PDXDC1: variants seen among roughly 807,000 people sequenced by gnomAD.
PDXDC1 encodes the protein pyridoxal dependent decarboxylase domain containing 1.
Under a neutral mutation model 100.1 loss-of-function variants are expected in PDXDC1, and 42 were observed. The observed-to-expected ratio is 0.42, with a 90% CI of 0.33 to 0.54. The LOEUF is 0.54. PDXDC1 is among the 20% of genes least tolerant of loss of function. The pLI, the probability that PDXDC1 is intolerant of heterozygous loss-of-function variation, is 0.10. For missense variants in PDXDC1, 636 were observed against 979.2 expected, an observed-to-expected ratio of 0.65 and a Z score of 4.68; for synonymous variants, 260 against 371.7, an observed-to-expected ratio of 0.70 and a Z score of 3.46.
At chr16:15,047,046 C>G (rs957505167) in intron 16 of PDXDC1, among the ~76,000 whole-genome samples, 1 of 152,188 alleles carries the variant, frequency 6.6e-6, no homozygotes, top group East Asian at 1.9e-4. Context: ...TCTGTCTACT[C>G]TTCACTGCTG....
chr16:15,127,190 G>A, intron 16 of PDXDC1: 15 of 402,686 alleles, frequency 3.7e-5, no homozygotes, highest in South Asian at 2.6e-4. Flanking sequence ...GCACAGCCGC[G>A]TGCTTGCTTC....
intron 1 of PDXDC1, among the ~76,000 whole-genome samples, chr16:14,978,684 C>T (rs1287131435): frequency 3.3e-5 from 5 of 152,294 alleles, no homozygotes; most frequent in Non-Finnish European, 4.4e-5. Flanking sequence ...CGTGAGCCAC[C>T]GTGCCAGGCC....
At chr16:15,103,648 C>G (rs1284966028) in intron 16 of PDXDC1, among the ~76,000 whole-genome samples, 4 of 141,114 alleles carry the variant, frequency 2.8e-5, no homozygotes, top group Admixed American at 2.2e-4. Context: ...GGACTACAGG[C>G]ATGCACCATC....
At chr16:15,005,225 A>G (rs1165291173) in intron 5 of PDXDC1, among the ~76,000 whole-genome samples, 1 of 151,358 alleles carries the variant, frequency 6.6e-6, no homozygotes, top group Non-Finnish European at 1.5e-5. Context: ...CGGGCGTGGT[A>G]GTGAGCACCT....
At chr16:15,087,375 C>T (rs191345831) in intron 16 of PDXDC1, among the ~76,000 whole-genome samples, 31 of 152,114 alleles carry the variant, frequency 2.0e-4, no homozygotes, top group African/African-American at 4.6e-4. Flanking sequence ...AGGCTAAGAA[C>T]GATTAATAAG....
rs1197900650 is a variant in PDXDC1, at chr16:14,975,205, C to G, written c.6C>G (p.Asp2Glu). ...CACCACCGGCCGCCTCAGCCATGGA[C>G]GCGTCCCTGGAGAAGGTCCGTGCCG... M[D>E]ASLEKIADPT... The change falls in exon 1 of 23, where the codon GAC becomes GAG. Residue 2 changes from aspartate (D) to glutamate (E), a missense_variant. This residue lies in a region of PDXDC1 where 125 missense variants were observed against 479.9 expected (regional missense o/e 0.26). Coordinates refer to ENST00000396410, the MANE Select transcript of PDXDC1 (RefSeq NM_015027.4). The G allele has an allele frequency of 1.3e-5, 18 of 1,436,572 alleles. No homozygotes were observed. The highest frequency in any genetic ancestry group is 4.5e-5 in the African/African-American group (3 of 66,692). 89.0% of individuals were successfully genotyped at this position (1,436,572 alleles called of 1,614,324 possible).
intron 8 of PDXDC1, chr16:15,010,391 G>A (rs2041159628): frequency 6.4e-6 from 1 of 155,296 alleles, no homozygotes; most frequent in African/African-American, 2.4e-5. Context: ...GGTGGCACAT[G>A]CCTATAGTCC....
chr16:15,144,200 A>G (rs1016734160), downstream of PDXDC1, among the ~76,000 whole-genome samples: 5 of 152,120 alleles, frequency 3.3e-5, no homozygotes, highest in African/African-American at 1.2e-4. Context: ...GGCGCTGGAG[A>G]GGACAGGGGA....
chr16:14,977,887 A>G (rs1362755910), intron 1 of PDXDC1, among the ~76,000 whole-genome samples: 3 of 152,290 alleles, frequency 2.0e-5, no homozygotes, highest in African/African-American at 7.2e-5. Context: ...CAGAAACCAC[A>G]ATGTTATTTG....
At chr16:15,146,564 G>A in the PDXDC1 span, among the ~76,000 whole-genome samples, 1 of 152,162 alleles carries the variant, frequency 6.6e-6, no homozygotes, top group Admixed American at 6.5e-5. Flanking sequence ...GCCGGGTCTT[G>A]TGAGCCCCTA....
In PDXDC1 at chr16:15,037,865, A is replaced by AATAAGGTTTTATTTTGAAAGTCATTT; in HGVS notation, c.*1591_*1616dup. On this transcript the variant is annotated 3_prime_UTR_variant, in exon 23 of 23. Coordinates refer to ENST00000396410, the MANE Select transcript of PDXDC1 (RefSeq NM_015027.4). ...AAGTCTCAACAAATGCCTTTGCCAA[A>AATAAGGTTTTATTTTGAAAGTCATTT]ATAAGGTTTTATTTTGAAAGTCATT... The AATAAGGTTTTATTTTGAAAGTCATTT allele has an allele frequency of 1.9e-6, 1 of 537,396 alleles. No individual in the cohort carries two copies. The highest frequency in any genetic ancestry group is 3.5e-5 in the Admixed American group (1 of 28,522). The allele number at this position is 537,396 out of a possible 1,614,324, so 33.3% of individuals were successfully genotyped here.
chr16:15,074,694 T>G, intron 16 of PDXDC1: 1 of 1,580,204 alleles, frequency 6.3e-7, no homozygotes, highest in East Asian at 2.3e-5. Flanking sequence ...ACTGCAGGTG[T>G]TCAATAAACA....
At position 15,094,176 on chromosome 16, in the gene PDXDC1, C is replaced by A. The variant is rs753124297; in HGVS notation, c.1400-44703C>A. On this transcript the variant is annotated intron_variant, in intron 16 of 16. Coordinates refer to the PDXDC1 transcript ENST00000535621. ...CTCGACGCGCCCAGCTTCTTAACTGCAGAGGACGAAGCGGCCGCATCTCCC... is the reference window on the plus strand; with the variant it reads ...CTCGACGCGCCCAGCTTCTTAACTGAAGAGGACGAAGCGGCCGCATCTCCC... 7 of 1,602,376 alleles carry A rather than the reference C, an allele frequency of 4.4e-6. No individual in the cohort carries two copies. In the Admixed American group the frequency reaches 1.0e-4, roughly 24 times the overall value.
intron 8 of PDXDC1, among the ~76,000 whole-genome samples, chr16:15,014,211 A>G (rs1316871951): frequency 1.3e-5 from 2 of 152,276 alleles, no homozygotes; most frequent in South Asian, 2.1e-4. Context: ...TGTCTCAAAA[A>G]AAAAAAAAAA....
rs372626907 is a variant in PDXDC1 at position 15,135,183 on chromosome 16, C to G, written c.1400-3696C>G. The G allele has an allele frequency of 4.8e-6, 4 of 825,270 alleles. No homozygotes were observed. In the South Asian group the frequency reaches 5.8e-5, roughly 12 times the overall value. 51.1% of individuals were successfully genotyped at this position (825,270 alleles called of 1,614,324 possible). A position where few individuals can be genotyped will look rare whatever the true frequency, so the allele number is the denominator to read the frequency against. ...TGCATCAGAAACAGAGAGGGAAGAG[C>G]GCGCGGCCTCCACCAGCACTAAAAC... On this transcript the variant is annotated intron_variant, in intron 16 of 16. Coordinates refer to the PDXDC1 transcript ENST00000535621.
At chr16:15,080,313 CTA>C (rs2045644912) in intron 16 of PDXDC1, among the ~76,000 whole-genome samples, 1 of 152,116 alleles carries the variant, frequency 6.6e-6, no homozygotes, top group Non-Finnish European at 1.5e-5. Flanking sequence ...ATTTGCATAA[CTA>C]TAGGTTTTTA....
chr16:15,130,791 C>A lies in PDXDC1; in HGVS notation c.1400-8088C>A, dbSNP rs749917693. The A allele has an allele frequency of 4.9e-6, 5 of 1,016,844 alleles. No individual in the cohort carries two copies. In the African/African-American group the frequency reaches 7.2e-5, roughly 15 times the overall value. 63.0% of individuals were successfully genotyped at this position (1,016,844 alleles called of 1,614,324 possible). ...CTCGGGTTCCTCAGACAGGTAGCGG[C>A]CTGGGGCAGAACGCGCAGGTCACAC... On this transcript the variant is annotated intron_variant, in intron 16 of 16. Transcript: ENST00000535621.
intron 16 of PDXDC1, chr16:15,109,117 C>G (rs373073732): frequency 1.4e-5 from 2 of 146,748 alleles, no homozygotes; most frequent in East Asian, 3.9e-4. Context: ...CAATTCATTG[C>G]TAAATATTTT....
chr16:15,111,339 C>T (rs1249935622), intron 16 of PDXDC1, among the ~76,000 whole-genome samples: 1 of 147,172 alleles, frequency 6.8e-6, no homozygotes, highest in Non-Finnish European at 1.5e-5. Context: ...GCCTGTAATC[C>T]CAGCTAGTCG....
Sources: allele counts gnomAD v4.1 joint callset (sites outside exome capture counted in the v4.1 genomes callset), GRCh38; gene constraint gnomAD v4.1.1; regional missense constraint gnomAD v4.1.1; transcripts MANE v1.5; gene names NCBI Gene and HGNC (gene_info 2026-07-23, HGNC 2026-07-21).